The following TMIGD2 variants were observed in gnomAD, a reference collection of about 807,000 sequenced individuals.
The protein encoded by TMIGD2 is transmembrane and immunoglobulin domain-containing protein 2.
Under a neutral mutation model 22.6 loss-of-function variants are expected in TMIGD2, and 18 were observed. That is an observed-to-expected ratio of 0.80 (90% confidence interval 0.55 to 1.18). The LOEUF (loss-of-function observed/expected upper bound fraction) is 1.18. Ranked by LOEUF, TMIGD2 falls within the 50% of genes most tolerant of loss-of-function variation. The pLI is 0.00. For missense variants in TMIGD2, 361 were observed against 378.2 expected (o/e 0.95, Z 0.38); for synonymous variants, 184 against 154.1 (o/e 1.19, Z -1.44).
intron 1 of TMIGD2, 114 bp downstream of exon 1, chr19:4,302,226 G>A (rs1240165664): frequency 3.5e-6 from 4 of 1,137,250 alleles, no homozygotes; most frequent in Non-Finnish European, 4.9e-6. Context: ...AGGGAGATGG[G>A]CCTTATCTGA....
intron 4 of TMIGD2, among the ~76,000 whole-genome samples, chr19:4,293,091 C>G (rs574679790): frequency 1.4e-4 from 21 of 151,666 alleles, no homozygotes; most frequent in Admixed American, 9.2e-4. Context: ...AGCCTCCCAA[C>G]TAGCTGGGAC....
At chr19:4,300,789 C>T (rs1203495787) in intron 1 of TMIGD2, among the ~76,000 whole-genome samples, 1 of 152,028 alleles carries the variant, frequency 6.6e-6, no homozygotes, top group East Asian at 1.9e-4. Context: ...GGAGGAACAG[C>T]GAGGAGGCCC....
intron 2 of TMIGD2, among the ~76,000 whole-genome samples, chr19:4,297,133 G>A (rs1475854730): frequency 7.0e-6 from 1 of 143,532 alleles, no homozygotes; most frequent in African/African-American, 2.6e-5. Flanking sequence ...CTGGAGTGCA[G>A]TGGTACAATC....
exon 5 of TMIGD2, chr19:4,292,845 C>A (rs1411888116): frequency 1.9e-6 from 3 of 1,613,602 alleles, no homozygotes; most frequent in Non-Finnish European, 2.5e-6. Context: ...TCTTTGGGGC[C>A]CCCCGGGGCC....
chr19:4,297,919 G>A, intron 2 of TMIGD2, 67 bp downstream of exon 2: 1 of 1,463,434 alleles, frequency 6.8e-7, no homozygotes, highest in South Asian at 1.5e-5. Flanking sequence ...AGGAGTTTAA[G>A]ACTCAAAAGT....
rs745675666 is a variant in TMIGD2, at chr19:4,292,821, G to A, written c.627C>T (p.Cys209=). Residue 209 remains cysteine (C), a synonymous_variant, in exon 5 of 5, where the codon TGC becomes TGT. Transcript: ENST00000301272. ...CCCTCTGGTCCTTCCCCTCTCCAGAGCAGTCCTCACTCTTCTTTGGGGCCC... is the reference window on the plus strand; with the variant it reads ...CCCTCTGGTCCTTCCCCTCTCCAGAACAGTCCTCACTCTTCTTTGGGGCCC... 3.7e-6 allele frequency: 6 copies of A among 1,613,824 alleles called. No homozygotes were observed. In the South Asian group the frequency reaches 6.6e-5, roughly 18 times the overall value.
intron 2 of TMIGD2, 75 bp downstream of exon 2, chr19:4,297,911 G>A: frequency 4.1e-6 from 6 of 1,451,208 alleles, no homozygotes; most frequent in Non-Finnish European, 4.6e-6. Context: ...TTGTTTCTAG[G>A]AGTTTAAGAC....
At chr19:4,292,861 A>G in exon 5 of TMIGD2, 1 of 1,613,872 alleles carries the variant, frequency 6.2e-7, no homozygotes, top group Non-Finnish European at 8.5e-7. Context: ...GGGCCGGTAT[A>G]GGACGTTGCT....
chr19:4,296,221 T>C (rs1011038763), intron 2 of TMIGD2, among the ~76,000 whole-genome samples: 1 of 152,172 alleles, frequency 6.6e-6, no homozygotes, highest in Admixed American at 6.5e-5. Context: ...ACTTGGATTA[T>C]AGCAAGCACT....
intron 2 of TMIGD2, 37 bp from the exon 3 acceptor site, chr19:4,294,853 C>A: frequency 6.5e-7 from 1 of 1,530,962 alleles, no homozygotes; most frequent in Non-Finnish European, 8.8e-7. Flanking sequence ...GGGTGCCAGG[C>A]TTCTCCACCC....
chr19:4,301,331 G>C (rs1971533564), intron 1 of TMIGD2, among the ~76,000 whole-genome samples: 1 of 152,116 alleles, frequency 6.6e-6, no homozygotes, highest in African/African-American at 2.4e-5. Flanking sequence ...CTTGAGGCCA[G>C]GAGTTCAAGA....
chr19:4,294,487 C>G, intron 4 of TMIGD2, 92 bp downstream of exon 4: 3 of 1,225,344 alleles, frequency 2.4e-6, no homozygotes, highest in Non-Finnish European at 3.6e-6. Flanking sequence ...CTCCATCCTT[C>G]CCCCAGGCGG....
chr19:4,292,549 T>G (rs1971395048), exon 5 of TMIGD2: 3 of 1,561,088 alleles, frequency 1.9e-6, no homozygotes, highest in Non-Finnish European at 2.6e-6. Flanking sequence ...GATCCCCCCT[T>G]TTTTGTGTGT....
At chr19:4,298,298 G>A (rs539539402) in exon 2 of TMIGD2, 21 of 1,604,166 alleles carry the variant, frequency 1.3e-5, no homozygotes, top group Non-Finnish European at 1.8e-5. Context: ...CTCACCTGCA[G>A]CAAGTTGGGC....
At chr19:4,292,546 C>A in exon 5 of TMIGD2, 2 of 1,554,268 alleles carry the variant, frequency 1.3e-6, no homozygotes, top group Non-Finnish European at 1.8e-6. Context: ...CTCGATCCCC[C>A]CTTTTTTGTG....
chr19:4,294,546 C>G, intron 4 of TMIGD2, 33 bp downstream of exon 4: 5 of 1,607,242 alleles, frequency 3.1e-6, no homozygotes, highest in Non-Finnish European at 3.4e-6. Flanking sequence ...TTCCCACCTC[C>G]TCCGCCCTAC....
exon 5 of TMIGD2, chr19:4,292,351 G>GTT: frequency 2.1e-6 from 1 of 473,456 alleles, no homozygotes; most frequent in East Asian, 4.4e-5. Flanking sequence ...CCTGCTTTTT[G>GTT]TTTTTTTTGA....
At position 4,294,689 on chromosome 19, in the gene TMIGD2, G is replaced by C. The variant is rs202032398; in HGVS notation, c.449-9C>G. 2 of 1,582,924 alleles carry C rather than the reference G, an allele frequency of 1.3e-6. No homozygotes were observed. The highest frequency in any genetic ancestry group is 1.8e-5 in the Admixed American group (1 of 56,348). ...CAGCACGAAGAGGAATCCTGGGTAG[G>C]GGGAGAAGAGATGGTCTAATCAGGA... On this transcript the variant is annotated splice_polypyrimidine_tract_variant and intron_variant, in intron 3 of 4. Transcript: ENST00000301272.
intron 2 of TMIGD2, 131 bp from the exon 3 acceptor site, chr19:4,294,947 ACC>A (rs1971441561): frequency 1.1e-6 from 1 of 892,608 alleles, no homozygotes; most frequent in African/African-American, 1.8e-5. Flanking sequence ...TTCACTCTGA[ACC>A]TCTGTTTCTT....
Sources: allele counts gnomAD v4.1 joint callset (sites outside exome capture counted in the v4.1 genomes callset), GRCh38; gene constraint gnomAD v4.1.1; transcripts MANE v1.5; gene names NCBI Gene and HGNC (gene_info 2026-07-23, HGNC 2026-07-21).